Variants in NDE1 observed in about 807,000 individuals in gnomAD.
The protein encoded by NDE1 is nudE neurodevelopment protein 1.
NDE1 carries 28 observed loss-of-function variants against 43.4 expected under a neutral mutation model. That is an observed-to-expected ratio of 0.65 (90% CI 0.48 to 0.89). The LOEUF is 0.89. NDE1 is among the 40% of genes least tolerant of loss of function. The pLI is 0.00. For synonymous variants in NDE1, 184 were observed against 172.0 expected (o/e 1.07, Z -0.55); for missense variants, 441 against 434.1 (o/e 1.02, Z -0.14).
chr16:15,698,222 A>G (rs192529129), intron 8 of NDE1, among the ~76,000 whole-genome samples: 2 of 152,260 alleles, frequency 1.3e-5, no homozygotes, highest in East Asian at 1.9e-4. Context: ...TAACAGTGTC[A>G]TTAATTTTCT....
intron 4 of NDE1, chr16:15,687,129 G>A: frequency 7.2e-7 from 1 of 1,386,062 alleles, no homozygotes; most frequent in Non-Finnish European, 9.4e-7. Flanking sequence ...GTGCTGTGTG[G>A]GCAGCATCTT....
chr16:15,721,399 A>C (rs1200201799), intron 8 of NDE1: 1 of 1,613,514 alleles, frequency 6.2e-7, no homozygotes, highest in East Asian at 2.2e-5. Flanking sequence ...CATGGACGAG[A>C]AAAACCACCC....
intron 7 of NDE1, chr16:15,695,389 TC>T: frequency 1.7e-6 from 1 of 582,594 alleles, no homozygotes. Flanking sequence ...GCACCTGCGA[TC>T]CCAGCTACTT....
chr16:15,692,122 A>G (rs1262083676), intron 6 of NDE1, among the ~76,000 whole-genome samples: 5 of 152,030 alleles, frequency 3.3e-5, no homozygotes, highest in African/African-American at 1.2e-4. Context: ...GCTTCCGATC[A>G]GGCCTTTTAC....
At chr16:15,674,996 A>C (rs1300520355) in intron 3 of NDE1, among the ~76,000 whole-genome samples, 2 of 152,070 alleles carry the variant, frequency 1.3e-5, no homozygotes, top group Non-Finnish European at 2.9e-5. Context: ...GGAGAGGTCC[A>C]TGTGGCTTTC....
At chr16:15,713,443 A>AG (rs1206666953) in intron 8 of NDE1, 1 of 152,100 alleles carries the variant, frequency 6.6e-6, no homozygotes, top group Non-Finnish European at 1.5e-5. Context: ...AAGATGAGGG[A>AG]GGGGTGTGGG....
intron 1 of NDE1, among the ~76,000 whole-genome samples, chr16:15,661,242 G>A (rs1418328774): frequency 2.0e-5 from 3 of 149,724 alleles, no homozygotes; most frequent in Non-Finnish European, 4.4e-5. Context: ...TCCGCCTCCC[G>A]GGTTCAAGCC....
intron 1 of NDE1, among the ~76,000 whole-genome samples, chr16:15,655,425 G>A (rs141687594): frequency 1.3e-5 from 2 of 152,180 alleles, no homozygotes; most frequent in South Asian, 2.1e-4. Flanking sequence ...GATTACAGGC[G>A]TGAGCCATCG....
At chr16:15,720,298 C>G (rs776321648) in intron 8 of NDE1, 2 of 1,614,100 alleles carry the variant, frequency 1.2e-6, no homozygotes, top group East Asian at 2.2e-5. Flanking sequence ...CCAGTTCCGT[C>G]TCATACTCGT....
chr16:15,714,020 G>A (rs1046924988), intron 8 of NDE1: 2 of 152,364 alleles, frequency 1.3e-5, no homozygotes, highest in East Asian at 3.8e-4. Context: ...AGGAGTACTG[G>A]TTGGCCCGGT....
rs577853002 is a variant in NDE1, at chr16:15,670,803, G to A, written c.237+3364G>A. ...GAGTTGATCTGTACCCATCACAGAC[G>A]TGGACAAGAATGGGTGTCGGGTGGA... On this transcript the variant is annotated intron_variant, in intron 3 of 8. Transcript: ENST00000396354. 1.1e-4 allele frequency among the ~76,000 whole-genome samples: 16 copies of A among 152,262 alleles called. No individual in the cohort carries two copies. In the East Asian group the frequency reaches 2.9e-3, roughly 28 times the overall value.
chr16:15,679,244 C>A (rs928588026), intron 4 of NDE1, among the ~76,000 whole-genome samples: 3 of 152,134 alleles, frequency 2.0e-5, no homozygotes, highest in African/African-American at 7.2e-5. Flanking sequence ...GATCCTCCTG[C>A]CTCAACCTCC....
intron 8 of NDE1, among the ~76,000 whole-genome samples, chr16:15,722,426 A>T (rs2040536372): frequency 6.6e-6 from 1 of 152,190 alleles, no homozygotes; most frequent in Non-Finnish European, 1.5e-5. Flanking sequence ...AACAGAGCAG[A>T]TTATAAATTG....
upstream of NDE1, among the ~76,000 whole-genome samples, chr16:15,649,130 A>C (rs2036392753): frequency 6.6e-6 from 1 of 152,196 alleles, no homozygotes; most frequent in African/African-American, 2.4e-5. Context: ...CAGAAGGCAG[A>C]GGTTGCAGTG....
At chr16:15,645,387 T>C (rs937659880), upstream of NDE1, among the ~76,000 whole-genome samples, 2 of 152,154 alleles carry the variant, frequency 1.3e-5, no homozygotes, top group African/African-American at 4.8e-5. Context: ...CCCAGCACTT[T>C]GGGAGGCTGA....
intron 3 of NDE1, among the ~76,000 whole-genome samples, chr16:15,668,606 C>A (rs1216506603): frequency 6.6e-6 from 1 of 152,148 alleles, no homozygotes; most frequent in Non-Finnish European, 1.5e-5. Flanking sequence ...AGAGTAATAT[C>A]ATCAGGTCCA....
intron 8 of NDE1, chr16:15,703,968 G>C (rs1179887800): frequency 1.2e-6 from 2 of 1,613,680 alleles, no homozygotes; most frequent in East Asian, 2.2e-5. Context: ...TTCTTGCCGT[G>C]GTGCAAAACT....
chr16:15,725,000 T>A lies in NDE1; in HGVS notation c.*749T>A. On this transcript the variant is annotated 3_prime_UTR_variant, in exon 9 of 9. Transcript: ENST00000396354. ...GACGCTCTCAACTTCATTCTAAGGGTGCCAAGAGACTGGTTAGTCAAAGCC... is the reference window on the plus strand; with the variant it reads ...GACGCTCTCAACTTCATTCTAAGGGAGCCAAGAGACTGGTTAGTCAAAGCC... 1 of 1,613,050 alleles carries A rather than the reference T, an allele frequency of 6.2e-7. No individual in the cohort carries two copies. The highest frequency in any genetic ancestry group is 8.5e-7 in the Non-Finnish European group (1 of 1,179,486).
intron 2 of NDE1, 96 bp downstream of exon 2, chr16:15,664,957 G>C: frequency 1.1e-6 from 1 of 923,896 alleles, no homozygotes; most frequent in Non-Finnish European, 1.7e-6. Context: ...GTTCCTAGGC[G>C]TGATCATAGT....
Sources: gnomAD v4.1 joint callset for allele counts (sites outside exome capture counted in the v4.1 genomes callset) on GRCh38, gnomAD v4.1.1 for gene constraint, MANE v1.5 for transcripts, NCBI Gene and HGNC (gene_info 2026-07-23, HGNC 2026-07-21) for gene names.